Variants in SOX10 observed in about 807,000 individuals in gnomAD.
SOX10 encodes the protein transcription factor SOX-10.
A neutral mutation model predicts 35.0 loss-of-function variants in SOX10; 3 were observed. That is an observed-to-expected ratio of 0.09 (90% CI 0.04 to 0.22). The LOEUF (loss-of-function observed/expected upper bound fraction) is 0.22. SOX10 is among the 10% of genes least tolerant of loss of function. The probability of loss-of-function intolerance (pLI) is 1.00; values close to 1 mark genes in which losing one functional copy is unlikely to be tolerated. For missense variants in SOX10, 436 were observed against 655.1 expected (o/e 0.67, Z 3.65); for synonymous variants, 285 against 291.0 (o/e 0.98, Z 0.21).
In SOX10 at chr22:37,973,919, A is replaced by G. The variant is rs767448293; in HGVS notation, c.977T>C (p.Val326Ala). The G allele has an allele frequency of 6.2e-7, 1 of 1,610,216 alleles. No individual in the cohort carries two copies. Among genetic ancestry groups the G allele is most frequent in the Admixed American group, 1.7e-5 (1 of 60,010 alleles). Reference sequence around the variant, plus strand: ...GATCCAGGCGGAGTGTCCACTGGCCACGGCCAGGGCACTGCCCAGCCCATA... The same window carrying G: ...GATCCAGGCGGAGTGTCCACTGGCCGCGGCCAGGGCACTGCCCAGCCCATA... ...AGYGLGSALA[V>A]ASGHSAWISK... The change falls in exon 4 of 4, where the codon GTG (valine) becomes GCG (alanine). Residue 326 changes from valine (V) to alanine (A), a missense_variant. Around this residue, in one of 3 missense-constraint regions of SOX10, gnomAD observed 285 missense variants for 402.9 expected, o/e 0.71. Coordinates refer to ENST00000396884, the MANE Select transcript of SOX10 (RefSeq NM_006941.4).
At position 37,978,282 on chromosome 22, in the gene SOX10, C is replaced by T. The variant is rs60939052; in HGVS notation, c.429-147G>A. The stretch of plus-strand genomic sequence containing the variant: ...CAGAGGACAGGACCCGGGGTGGGGG[C>T]TGTGCCCTATGATTTGTGGACTGAG... On this transcript the variant is annotated intron_variant, in intron 2 of 3. Coordinates refer to ENST00000396884, the MANE Select transcript of SOX10 (RefSeq NM_006941.4). This position sits in a 1 kb window ranked among gnomAD's most constrained non-coding sequence, Gnocchi z 5.0. 9.5e-3 allele frequency: 7,832 copies of T among 828,504 alleles called. 419 individuals are homozygous for T. The African/African-American group carries it at 0.12, about 13-fold the overall frequency. 51.3% of individuals were successfully genotyped at this position (828,504 alleles called of 1,614,324 possible). A position where few individuals can be genotyped will look rare whatever the true frequency, so the allele number is the denominator to read the frequency against.
rs549034055 is a variant in SOX10, at chr22:37,973,878, C to G, written c.1018G>C (p.Val340Leu). ...HSAWISKPPG[V>L]ALPTVSPPGV... ...GGTGGTGAGACCGTGGGCAGAGCCACGCCTGGTGGCTTGGAGATCCAGGCG... is the reference window on the plus strand; with the variant it reads ...GGTGGTGAGACCGTGGGCAGAGCCAGGCCTGGTGGCTTGGAGATCCAGGCG... The change falls in exon 4 of 4, where the codon GTG (valine) becomes CTG (leucine). Residue 340 changes from valine (V) to leucine (L), a missense_variant. Around this residue, in one of 3 missense-constraint regions of SOX10, gnomAD observed 285 missense variants for 402.9 expected, o/e 0.71. Coordinates refer to ENST00000396884, the MANE Select transcript of SOX10 (RefSeq NM_006941.4). The G allele has an allele frequency of 2.5e-6, 4 of 1,610,386 alleles. No individual in the cohort carries two copies. The highest frequency in any genetic ancestry group is 8.5e-7 in the Non-Finnish European group (1 of 1,179,302).
In SOX10 at chr22:37,974,116, C is replaced by T. The variant is rs755290218; in HGVS notation, c.780G>A (p.Gly260=). The T allele has an allele frequency of 6.2e-7, 1 of 1,613,338 alleles. No homozygotes were observed. The highest frequency in any genetic ancestry group is 2.2e-5 in the East Asian group (1 of 44,868). The change falls in exon 4 of 4, where the codon GGG becomes GGA. Residue 260 remains glycine (G), a synonymous_variant. Transcript: ENST00000396884. The surrounding 1 kb of genome is among the most constrained non-coding windows in gnomAD (Gnocchi z 5.4). ...GCTTCCCGCCCTCCCCCATGGAGCG[C>T]CCGTCCCGCTTCGGGTCTGCCTTGC... ...QSGKADPKRD[G]RSMGEGGKPH...
chr22:37,978,707 T>A lies in SOX10; in HGVS notation c.429-572A>T, dbSNP rs1932301257. On this transcript the variant is annotated intron_variant, in intron 2 of 3. Coordinates refer to ENST00000396884, the MANE Select transcript of SOX10 (RefSeq NM_006941.4). This position sits in a 1 kb window ranked among gnomAD's most constrained non-coding sequence, Gnocchi z 5.0. ...TTGGGTGTGGGATTGGCCAGAATAA[T>A]GGATGTGAGATGCCTTGCACCAGGG... 6.6e-6 allele frequency among the ~76,000 whole-genome samples: 1 copy of A among 152,134 alleles called. No homozygotes were observed. The highest frequency in any genetic ancestry group is 2.4e-5 in the African/African-American group (1 of 41,424).
At position 37,972,327 on chromosome 22, in the gene SOX10, A is replaced by G; in HGVS notation, c.*1168T>C. The G allele has an allele frequency of 1.0e-6, 1 of 952,652 alleles. No homozygotes were observed. The highest frequency in any genetic ancestry group is 1.5e-6 in the Non-Finnish European group (1 of 668,468). 59.0% of individuals were successfully genotyped at this position (952,652 alleles called of 1,614,324 possible). A position where few individuals can be genotyped will look rare whatever the true frequency, so the allele number is the denominator to read the frequency against. ...ACCAAGCAGGTAACCGGAACCTTTAATTTTATTATGTGGAATGCTTAATGC... is the reference window on the plus strand; with the variant it reads ...ACCAAGCAGGTAACCGGAACCTTTAGTTTTATTATGTGGAATGCTTAATGC... On this transcript the variant is annotated 3_prime_UTR_variant, in exon 4 of 4. Coordinates refer to ENST00000396884, the MANE Select transcript of SOX10 (RefSeq NM_006941.4).
Position 37,974,294 on chromosome 22 carries a change from C to T in SOX10, c.698-96G>A, listed in dbSNP as rs748070092. ...ACTTCCATGGTTCACCTTCAGGCAGCGGGTGCCTCTGGGAAAACCTTGTAA... is the reference window on the plus strand; with the variant it reads ...ACTTCCATGGTTCACCTTCAGGCAGTGGGTGCCTCTGGGAAAACCTTGTAA... On this transcript the variant is annotated intron_variant, in intron 3 of 3. Coordinates refer to ENST00000396884, the MANE Select transcript of SOX10 (RefSeq NM_006941.4). The surrounding 1 kb of genome is among the most constrained non-coding windows in gnomAD (Gnocchi z 5.4). 5.5e-6 allele frequency: 5 copies of T among 914,462 alleles called. No individual in the cohort carries two copies. The highest frequency in any genetic ancestry group is 4.2e-5 in the Admixed American group (2 of 47,312). 56.6% of individuals were successfully genotyped at this position (914,462 alleles called of 1,614,324 possible).
chr22:37,973,637 C>T lies in SOX10; in HGVS notation c.1259G>A (p.Gly420Asp). Residue 420 changes from glycine to aspartate, a missense_variant, in exon 4 of 4, where the codon GGC (glycine) becomes GAC (aspartate). Transcript: ENST00000396884. Reference protein sequence around the residue: ...PYYGHSGQASGLYSAFSYMGP... With the variant: ...PYYGHSGQASDLYSAFSYMGP... Reference sequence around the variant, plus strand: ...CATATAGGAGAAGGCCGAGTAGAGGCCAGAGGCCTGGCCCGAGTGGCCATA... The same window carrying T: ...CATATAGGAGAAGGCCGAGTAGAGGTCAGAGGCCTGGCCCGAGTGGCCATA... 1 of 1,613,790 alleles carries T rather than the reference C, an allele frequency of 6.2e-7. No homozygotes were observed. Among genetic ancestry groups the T allele is most frequent in the Non-Finnish European group, 8.5e-7 (1 of 1,179,912 alleles).
chr22:37,973,318 G>A lies in SOX10; in HGVS notation c.*177C>T, dbSNP rs578128512. ...TCCTGGGGCTTTGCTGCTGGAGCCT[G>A]GATGGGGCGGGTGGGTCATCAGGGC... On this transcript the variant is annotated 3_prime_UTR_variant, in exon 4 of 4. Coordinates refer to ENST00000396884, the MANE Select transcript of SOX10 (RefSeq NM_006941.4). 3.5e-6 allele frequency: 2 copies of A among 575,764 alleles called. No individual in the cohort carries two copies. Among genetic ancestry groups the A allele is most frequent in the Non-Finnish European group, 6.2e-6 (2 of 324,094 alleles). The allele number at this position is 575,764 out of a possible 1,614,324, so 35.7% of individuals were successfully genotyped here.
Position 37,978,523 on chromosome 22 carries a change from G to A in SOX10, c.429-388C>T, listed in dbSNP as rs903211622. 6.6e-6 allele frequency among the ~76,000 whole-genome samples: 1 copy of A among 152,206 alleles called. No homozygotes were observed. Among genetic ancestry groups the A allele is most frequent in the East Asian group, 1.9e-4 (1 of 5,200 alleles). ...GCAAGTGGAATTGGCTACTTCAGTGGGGGTGAGCTCCCTGGGACTGAGGGT... is the reference window on the plus strand; with the variant it reads ...GCAAGTGGAATTGGCTACTTCAGTGAGGGTGAGCTCCCTGGGACTGAGGGT... On this transcript the variant is annotated intron_variant, in intron 2 of 3. Transcript: ENST00000396884. This position sits in a 1 kb window ranked among gnomAD's most constrained non-coding sequence, Gnocchi z 5.0.
chr22:37,979,353 C>T (rs1177777985), intron 2 of SOX10, among the ~76,000 whole-genome samples: 4 of 152,168 alleles, frequency 2.6e-5, no homozygotes, highest in Non-Finnish European at 5.9e-5. Context: ...CCGCCTTGGC[C>T]TCCCAAAGTG....
rs1410254294 is a variant in SOX10, at chr22:37,983,804, G to A, written c.-20C>T. ...CGCCATGTCGCCCCCGGCCGCCGCC[G>A]CCGCCGCCTCGGCCGCCTCCCCCGG... On this transcript the variant is annotated 5_prime_UTR_variant, in exon 2 of 4. Coordinates refer to ENST00000396884, the MANE Select transcript of SOX10 (RefSeq NM_006941.4). The surrounding 1 kb of genome is among the most constrained non-coding windows in gnomAD (Gnocchi z 9.5). 4.2e-6 allele frequency: 6 copies of A among 1,419,214 alleles called. No homozygotes were observed. The highest frequency in any genetic ancestry group is 2.6e-5 in the Admixed American group (1 of 38,860). 87.9% of individuals were successfully genotyped at this position (1,419,214 alleles called of 1,614,324 possible).
chr22:37,979,407 G>A (rs1310595785), intron 2 of SOX10, among the ~76,000 whole-genome samples: 1 of 152,142 alleles, frequency 6.6e-6, no homozygotes, highest in Non-Finnish European at 1.5e-5. Context: ...CCCAAGAGGT[G>A]CTTTTCTAAT....
intron 3 of SOX10, among the ~76,000 whole-genome samples, chr22:37,976,329 G>A (rs1271699064): frequency 5.9e-5 from 9 of 152,200 alleles, no homozygotes; most frequent in African/African-American, 2.2e-4. Context: ...CTGTGTAGCT[G>A]GGACTGCGGG....
At position 37,984,527 on chromosome 22, in the gene SOX10, C is replaced by CCGGACAG. The variant is rs1261291573; in HGVS notation, c.-280_-274dup. 1 of 152,644 alleles carries CCGGACAG rather than the reference C, an allele frequency of 6.6e-6. No individual in the cohort carries two copies. Among genetic ancestry groups the CCGGACAG allele is most frequent in the Non-Finnish European group, 1.5e-5 (1 of 68,160 alleles). 9.5% of individuals were successfully genotyped at this position (152,644 alleles called of 1,614,324 possible). A position where few individuals can be genotyped will look rare whatever the true frequency, so the allele number is the denominator to read the frequency against. ...GAATCCTTACCACCAACCACCCTGGCCGGACAGCCCGAGACTGACTGAGCG... is the reference window on the plus strand; with the variant it reads ...GAATCCTTACCACCAACCACCCTGGCCGGACAGCGGACAGCCCGAGACTGACTGAGCG... On this transcript the variant is annotated 5_prime_UTR_variant, in exon 1 of 4. Coordinates refer to ENST00000396884, the MANE Select transcript of SOX10 (RefSeq NM_006941.4). The surrounding 1 kb of genome is among the most constrained non-coding windows in gnomAD (Gnocchi z 4.4).
Position 37,984,100 on chromosome 22 carries a change from CT to C in SOX10, c.-84-233del. On this transcript the variant is annotated intron_variant, in intron 1 of 3. Coordinates refer to ENST00000396884, the MANE Select transcript of SOX10 (RefSeq NM_006941.4). This position sits in a 1 kb window ranked among gnomAD's most constrained non-coding sequence, Gnocchi z 4.4. ...TGTGGGTGGCTTTTTTTTTAGCCTC[CT>C]TTTTTGGGTGGAGGTTTGTTGATGA... is the stretch of plus-strand genomic sequence containing the variant. 9.0e-6 allele frequency: 2 copies of C among 222,892 alleles called. No individual in the cohort carries two copies. Among genetic ancestry groups the C allele is most frequent in the Non-Finnish European group, 1.8e-5 (2 of 113,934 alleles). 13.8% of individuals were successfully genotyped at this position (222,892 alleles called of 1,614,324 possible).
At position 37,977,947 on chromosome 22, in the gene SOX10, T is replaced by A; in HGVS notation, c.617A>T (p.His206Leu). 6.2e-7 allele frequency: 1 copy of A among 1,612,702 alleles called. No homozygotes were observed. Among genetic ancestry groups the A allele is most frequent in the South Asian group, 1.1e-5 (1 of 91,076 alleles). ...GTGGTCCAAGTGGGCGCTCTTGTAG[T>A]GGGCCTGGATGGCGGCGGTCCCACC... ...EQGGTAAIQA[H>L]YKSAHLDHRH... The change falls in exon 3 of 4, where the codon CAC (histidine) becomes CTC (leucine). Residue 206 changes from histidine (H) to leucine (L), a missense_variant. Coordinates refer to ENST00000396884, the MANE Select transcript of SOX10 (RefSeq NM_006941.4).
intron 2 of SOX10, among the ~76,000 whole-genome samples, chr22:37,981,982 C>T (rs1234057193): frequency 2.0e-5 from 3 of 152,192 alleles, no homozygotes; most frequent in East Asian, 1.9e-4. Flanking sequence ...TGGAGATCCT[C>T]CTGCACCTTC....
chr22:37,983,437 C>A lies in SOX10; in HGVS notation c.348G>T (p.Gln116His). ...RPMNAFMVWA[Q>H]AARRKLADQY... is the part of the protein sequence containing the mutation. ...GGTCCGCGAGCTTCCTGCGCGCTGCCTGAGCCCACACCATGAAGGCGTTCA... is the reference window on the plus strand; with the variant it reads ...GGTCCGCGAGCTTCCTGCGCGCTGCATGAGCCCACACCATGAAGGCGTTCA... Residue 116 changes from glutamine (Q) to histidine (H), a missense_variant, in exon 2 of 4, where the codon CAG becomes CAT. Coordinates refer to ENST00000396884, the MANE Select transcript of SOX10 (RefSeq NM_006941.4). This position sits in a 1 kb window ranked among gnomAD's most constrained non-coding sequence, Gnocchi z 9.5. 1 of 1,612,246 alleles carries A rather than the reference C, an allele frequency of 6.2e-7. No individual in the cohort carries two copies. Among genetic ancestry groups the A allele is most frequent in the Non-Finnish European group, 8.5e-7 (1 of 1,179,488 alleles).
rs1487796737 is a variant in SOX10 at position 37,978,165 on chromosome 22, G to A, written c.429-30C>T. The A allele has an allele frequency of 2.6e-6, 4 of 1,513,544 alleles. No homozygotes were observed. The highest frequency in any genetic ancestry group is 3.5e-6 in the Non-Finnish European group (4 of 1,131,514). The allele number at this position is 1,513,544 out of a possible 1,614,324, so 93.8% of individuals were successfully genotyped here. A position where few individuals can be genotyped will look rare whatever the true frequency, so the allele number is the denominator to read the frequency against. On this transcript the variant is annotated intron_variant, in intron 2 of 3. Coordinates refer to ENST00000396884, the MANE Select transcript of SOX10 (RefSeq NM_006941.4). The surrounding 1 kb of genome is among the most constrained non-coding windows in gnomAD (Gnocchi z 5.0). ...GGTGTGGTGGGAGGCGGAGAGGACAGCAGAGGGGCTGGCGTGAATGCCAGA... is the reference window on the plus strand; with the variant it reads ...GGTGTGGTGGGAGGCGGAGAGGACAACAGAGGGGCTGGCGTGAATGCCAGA...
Sources: allele counts gnomAD v4.1 joint callset (sites outside exome capture counted in the v4.1 genomes callset), GRCh38; gene constraint gnomAD v4.1.1; regional missense constraint gnomAD v4.1.1; non-coding constraint Gnocchi (gnomAD v3.1); transcripts MANE v1.5; gene names NCBI Gene and HGNC (gene_info 2026-07-23, HGNC 2026-07-21).